ASAP1: variants seen among roughly 807,000 people sequenced by gnomAD.
ASAP1 encodes the protein arf-GAP with SH3 domain, ANK repeat and PH domain-containing protein 1.
In ASAP1, 43 loss-of-function variants were observed where a neutral mutation model predicts 145.2. That is an observed-to-expected ratio of 0.30 (90% CI 0.23 to 0.38). The LOEUF (loss-of-function observed/expected upper bound fraction) is 0.38, where lower values mean the gene tolerates loss of function less well. Ranked by LOEUF, ASAP1 falls within the 10% of genes least tolerant of loss-of-function variation. ASAP1 has a pLI of 1.00. For synonymous variants in ASAP1, 546 were observed against 515.5 expected, an observed-to-expected ratio of 1.06 and a Z score of -0.80; for missense variants, 1,018 against 1,355.3, an observed-to-expected ratio of 0.75 and a Z score of 3.91.
rs905755447 is a variant in ASAP1 at position 130,366,886 on chromosome 8, C to CTTTTTTTTTTTTTTTTTTTTT, written c.60-8764_60-8744dup. On this transcript the variant is annotated intron_variant, in intron 2 of 29. Transcript: ENST00000518721. The stretch of plus-strand genomic sequence containing the variant: ...TCTAAACAGGTACTATGCTAGATTC[C>CTTTTTTTTTTTTTTTTTTTTT]TTTTTTTTTTTTTTTTTTTTTTGAG... 5.3e-4 allele frequency among the ~76,000 whole-genome samples: 53 copies of CTTTTTTTTTTTTTTTTTTTTT among 99,194 alleles called. 3 individuals are homozygous for CTTTTTTTTTTTTTTTTTTTTT. The highest frequency in any genetic ancestry group is 8.8e-4 in the South Asian group (2 of 2,280). 65.1% of individuals were successfully genotyped at this position (99,194 alleles called of 152,430 possible). A position where few individuals can be genotyped will look rare whatever the true frequency, so the allele number is the denominator to read the frequency against.
chr8:130,187,326 T>C (rs1814801869), intron 6 of ASAP1, 41 bp from the exon 7 acceptor site: 1 of 1,484,512 alleles, frequency 6.7e-7, no homozygotes, highest in Non-Finnish European at 9.3e-7. Flanking sequence ...CAACTACTTT[T>C]GCTGAAAATT....
At chr8:130,117,952 C>A (rs2097559088) in intron 20 of ASAP1, among the ~76,000 whole-genome samples, 1 of 152,230 alleles carries the variant, frequency 6.6e-6, no homozygotes. Flanking sequence ...CTTGTTTACA[C>A]ATTGTCAGTG....
At chr8:130,209,301 A>G (rs1454776497) in intron 5 of ASAP1, among the ~76,000 whole-genome samples, 1 of 152,180 alleles carries the variant, frequency 6.6e-6, no homozygotes, top group Non-Finnish European at 1.5e-5. Flanking sequence ...GTAGGGTTGG[A>G]ATCATAACAA....
chr8:130,122,479 C>CAAT (rs574060536), intron 18 of ASAP1, among the ~76,000 whole-genome samples: 312 of 152,130 alleles, frequency 2.1e-3, no homozygotes, highest in African/African-American at 7.2e-3. Flanking sequence ...TACTACAGAC[C>CAAT]AATAATAATA....
At chr8:130,093,149 A>G (rs1156675304) in intron 24 of ASAP1, among the ~76,000 whole-genome samples, 1 of 152,166 alleles carries the variant, frequency 6.6e-6, no homozygotes, top group Non-Finnish European at 1.5e-5. Context: ...AAGACAAGAC[A>G]GCAGGAATGA....
At chr8:130,316,494 T>G (rs1055756909) in intron 3 of ASAP1, among the ~76,000 whole-genome samples, 1 of 152,258 alleles carries the variant, frequency 6.6e-6, no homozygotes, top group African/African-American at 2.4e-5. Flanking sequence ...AATACAAGTT[T>G]CCATTTCCTA....
intron 25 of ASAP1, among the ~76,000 whole-genome samples, chr8:130,089,728 G>A (rs1009242990): frequency 2.6e-5 from 4 of 152,234 alleles, no homozygotes; most frequent in South Asian, 4.1e-4. Context: ...AAGTCCAGCC[G>A]TGTATGAATG....
chr8:130,170,745 C>T (rs2136099841), intron 9 of ASAP1, among the ~76,000 whole-genome samples: 1 of 152,234 alleles, frequency 6.6e-6, no homozygotes. Flanking sequence ...CTCTCTCTCT[C>T]TCTCGGCAGG....
chr8:130,338,085 G>GT (rs1825147842), intron 3 of ASAP1, among the ~76,000 whole-genome samples: 1 of 152,164 alleles, frequency 6.6e-6, no homozygotes, highest in Admixed American at 6.5e-5. Context: ...TGGGCACTGG[G>GT]GGATAAGACG....
intron 3 of ASAP1, among the ~76,000 whole-genome samples, chr8:130,247,864 C>T (rs1292123498): frequency 1.3e-5 from 2 of 152,194 alleles, no homozygotes; most frequent in Admixed American, 1.3e-4. Context: ...GAAAACTAGT[C>T]TTGACAATGA....
chr8:130,440,307 G>T (rs1388381547), intron 1 of ASAP1, among the ~76,000 whole-genome samples: 1 of 152,098 alleles, frequency 6.6e-6, no homozygotes, highest in East Asian at 1.9e-4. Flanking sequence ...AGGAGTTTGA[G>T]ACCATCCTGA....
intron 3 of ASAP1, among the ~76,000 whole-genome samples, chr8:130,291,981 C>A (rs1287855608): frequency 6.6e-6 from 1 of 152,136 alleles, no homozygotes; most frequent in Non-Finnish European, 1.5e-5. Flanking sequence ...ATCCTCAAGC[C>A]CCAAGTGAGC....
At chr8:130,355,430 G>GT (rs1028947191) in intron 3 of ASAP1, among the ~76,000 whole-genome samples, 43 of 152,066 alleles carry the variant, frequency 2.8e-4, no homozygotes, top group African/African-American at 9.2e-4. Context: ...CTAGGAAAAT[G>GT]TTTTTTTTAA....
chr8:130,373,033 C>T (rs1827292378), intron 2 of ASAP1, among the ~76,000 whole-genome samples: 1 of 151,252 alleles, frequency 6.6e-6, no homozygotes, highest in Admixed American at 6.6e-5. Context: ...CACACACACA[C>T]ATACACACAT....
intron 13 of ASAP1, among the ~76,000 whole-genome samples, chr8:130,140,747 C>A (rs2097608696): frequency 6.6e-6 from 1 of 152,194 alleles, no homozygotes; most frequent in African/African-American, 2.4e-5. Flanking sequence ...GTGCTCTTCT[C>A]CAAACTGAGC....
At position 130,209,527 on chromosome 8, in the gene ASAP1, T is replaced by A. The variant is rs898659834; in HGVS notation, c.405+5029A>T. 3.3e-5 allele frequency among the ~76,000 whole-genome samples: 5 copies of A among 151,080 alleles called. No individual in the cohort carries two copies. The South Asian group carries it at 8.5e-4, about 26-fold the overall frequency. ...CTGCTACAAACTAAAGTTACTGTAT[T>A]CTTCATGGTCTTGCTCTTACAGTAA... is the stretch of plus-strand genomic sequence containing the variant. On this transcript the variant is annotated intron_variant, in intron 5 of 29. Coordinates refer to ENST00000518721, the MANE Select transcript of ASAP1 (RefSeq NM_018482.4).
At chr8:130,097,020 G>T in intron 24 of ASAP1, among the ~76,000 whole-genome samples, 1 of 150,508 alleles carries the variant, frequency 6.6e-6, no homozygotes, top group African/African-American at 2.4e-5. Flanking sequence ...CAGCTACTTG[G>T]GAGGCTGAGG....
At chr8:130,090,066 G>A (rs1157087433) in intron 25 of ASAP1, among the ~76,000 whole-genome samples, 4 of 149,830 alleles carry the variant, frequency 2.7e-5, no homozygotes, top group African/African-American at 1.0e-4. Context: ...CTCTTTTAAA[G>A]TAAATTTTGT....
chr8:130,411,963 G>C (rs775161349), intron 1 of ASAP1, among the ~76,000 whole-genome samples: 10 of 152,154 alleles, frequency 6.6e-5, no homozygotes, highest in Non-Finnish European at 1.0e-4. Context: ...AAAGGGGTCT[G>C]CATGGAAAGG....
Sources: gnomAD v4.1 joint callset for allele counts (sites outside exome capture counted in the v4.1 genomes callset) on GRCh38, gnomAD v4.1.1 for gene constraint, MANE v1.5 for transcripts, NCBI Gene and HGNC (gene_info 2026-07-23, HGNC 2026-07-21) for gene names.